AFF3: variants seen among roughly 807,000 people sequenced by gnomAD.
The protein encoded by AFF3 is AF4/FMR2 family member 3.
A neutral mutation model predicts 129.7 loss-of-function variants in AFF3; 32 were observed. The observed-to-expected ratio is 0.25, with a 90% confidence interval of 0.19 to 0.33. The LOEUF (loss-of-function observed/expected upper bound fraction) is 0.33, where lower values mean the gene tolerates loss of function less well. AFF3 is among the 10% of genes least tolerant of loss of function. The pLI is 1.00. For synonymous variants in AFF3, 644 were observed against 635.4 expected (o/e 1.01, Z -0.20); for missense variants, 1,373 against 1,592.0 (o/e 0.86, Z 2.34).
intron 7 of AFF3, among the ~76,000 whole-genome samples, chr2:99,884,007 G>A (rs1383360587): frequency 6.6e-6 from 1 of 152,152 alleles, no homozygotes; most frequent in Non-Finnish European, 1.5e-5. Flanking sequence ...AATGAAGAGA[G>A]GAAATTTGTG....
intron 13 of AFF3, among the ~76,000 whole-genome samples, chr2:99,642,744 T>C (rs1400437864): frequency 6.6e-6 from 1 of 152,226 alleles, no homozygotes; most frequent in Non-Finnish European, 1.5e-5. Context: ...AGAATCATAC[T>C]GACCAGGAGT....
intron 7 of AFF3, among the ~76,000 whole-genome samples, chr2:99,983,829 AC>A (rs1433187752): frequency 6.6e-6 from 1 of 152,210 alleles, no homozygotes; most frequent in Admixed American, 6.5e-5. Flanking sequence ...TTGCAATTGT[AC>A]TACAGAGCTC....
chr2:99,951,153 T>C (rs1676127978), intron 7 of AFF3, among the ~76,000 whole-genome samples: 3 of 152,252 alleles, frequency 2.0e-5, no homozygotes, highest in African/African-American at 7.2e-5. Context: ...AATCAAGTCA[T>C]AATTATTTAT....
At chr2:99,635,138 T>C (rs1405726835) in intron 13 of AFF3, among the ~76,000 whole-genome samples, 1 of 151,778 alleles carries the variant, frequency 6.6e-6, no homozygotes, top group Non-Finnish European at 1.5e-5. Context: ...ATATGATATA[T>C]ACACATATCT....
At chr2:100,105,962 C>CG (rs1691267158) in intron 2 of AFF3, 1 of 1,327,302 alleles carries the variant, frequency 7.5e-7, no homozygotes, top group East Asian at 4.4e-5. Flanking sequence ...CTGGGGCTGC[C>CG]AGAAATGTAA....
chr2:100,022,877 C>T (rs1208917638), intron 4 of AFF3, among the ~76,000 whole-genome samples: 1 of 152,198 alleles, frequency 6.6e-6, no homozygotes, highest in Non-Finnish European at 1.5e-5. Context: ...GAACAACAGA[C>T]AAGCTAGGGT....
At chr2:99,987,724 C>T (rs1411475896) in intron 7 of AFF3, among the ~76,000 whole-genome samples, 2 of 152,172 alleles carry the variant, frequency 1.3e-5, no homozygotes, top group Admixed American at 6.5e-5. Context: ...GGAAGGTTCA[C>T]CTGTGAGCCT....
intron 8 of AFF3, among the ~76,000 whole-genome samples, chr2:99,768,372 A>AG (rs1683190163): frequency 6.6e-6 from 1 of 152,212 alleles, no homozygotes; most frequent in South Asian, 2.1e-4. Context: ...GATGGGGATT[A>AG]TATTAATATA....
At chr2:99,708,397 T>C (rs1009335920) in intron 11 of AFF3, among the ~76,000 whole-genome samples, 1 of 152,184 alleles carries the variant, frequency 6.6e-6, no homozygotes, top group Non-Finnish European at 1.5e-5. Context: ...CCACAGAGCA[T>C]GTCACATCCT....
intron 7 of AFF3, among the ~76,000 whole-genome samples, chr2:99,878,968 C>A (rs190876307): frequency 5.3e-5 from 8 of 152,106 alleles, no homozygotes; most frequent in Non-Finnish European, 1.0e-4. Context: ...CCTAAGGCCA[C>A]AAAATTAGGT....
chr2:99,892,044 A>T (rs112024233), intron 7 of AFF3, among the ~76,000 whole-genome samples: 4 of 151,918 alleles, frequency 2.6e-5, no homozygotes, highest in African/African-American at 7.2e-5. Flanking sequence ...GGATGGTCTC[A>T]ATCTCCTGAC....
chr2:99,872,742 G>A (rs1691976968), intron 7 of AFF3, among the ~76,000 whole-genome samples: 2 of 152,050 alleles, frequency 1.3e-5, no homozygotes, highest in African/African-American at 2.4e-5. Context: ...TTGGTTCACT[G>A]AGTTGTACTG....
At chr2:99,837,610 C>A in intron 7 of AFF3, 86 bp from the exon 8 acceptor site, 1 of 1,264,228 alleles carries the variant, frequency 7.9e-7, no homozygotes. Context: ...TTAGTCCCCC[C>A]CAACAAAAAA....
chr2:99,633,796 A>T (rs994720314), intron 13 of AFF3, among the ~76,000 whole-genome samples: 2 of 151,172 alleles, frequency 1.3e-5, no homozygotes, highest in Admixed American at 1.3e-4. Context: ...GACCTTCTCT[A>T]CCATGTTTGG....
At chr2:100,080,365 C>T (rs74340261) in intron 4 of AFF3, among the ~76,000 whole-genome samples, 23,237 of 152,036 alleles carry the variant, frequency 0.15, 1,998 homozygotes, top group East Asian at 0.28. Context: ...TTAATTAAAA[C>T]GTTAATATAG....
intron 4 of AFF3, among the ~76,000 whole-genome samples, chr2:100,047,192 C>T (rs1473037248): frequency 1.3e-5 from 2 of 152,208 alleles, no homozygotes; most frequent in Non-Finnish European, 2.9e-5. Context: ...TCGCTGAAGG[C>T]GCTCTTGAGC....
intron 8 of AFF3, 64 bp downstream of exon 8, chr2:99,837,413 G>C (rs1338512514): frequency 6.7e-7 from 1 of 1,487,000 alleles, no homozygotes; most frequent in Non-Finnish European, 9.3e-7. Context: ...GGAGCCGCAG[G>C]TTTCCTTTCT....
chr2:99,582,028 T>C (rs1480730556), intron 17 of AFF3, among the ~76,000 whole-genome samples: 1 of 151,984 alleles, frequency 6.6e-6, no homozygotes, highest in African/African-American at 2.4e-5. Flanking sequence ...CTAATTTTTG[T>C]ATTTTCAGTA....
chr2:99,851,382 C>T (rs1690130944), intron 7 of AFF3, among the ~76,000 whole-genome samples: 1 of 152,186 alleles, frequency 6.6e-6, no homozygotes, highest in Admixed American at 6.5e-5. Context: ...CAAGTCTTCC[C>T]TGCATTGATG....
Sources: allele counts gnomAD v4.1 joint callset (sites outside exome capture counted in the v4.1 genomes callset), GRCh38; gene constraint gnomAD v4.1.1; transcripts MANE v1.5; gene names NCBI Gene and HGNC (gene_info 2026-07-23, HGNC 2026-07-21).